Variants in MACF1 observed in about 807,000 individuals in gnomAD.
MACF1 encodes microtubule actin crosslinking factor 1, also known as microtubule-actin cross-linking factor 1.
MACF1 carries 193 observed loss-of-function variants against 854.8 expected under a neutral mutation model. That is an observed-to-expected ratio of 0.23 (90% CI 0.20 to 0.25). The LOEUF is 0.25. MACF1 is among the 10% of genes least tolerant of loss of function. MACF1 has a pLI of 1.00. For missense variants in MACF1, 7,722 were observed against 8,929.1 expected, an observed-to-expected ratio of 0.86 and a Z score of 5.45; for synonymous variants, 3,185 against 3,226.7, an observed-to-expected ratio of 0.99 and a Z score of 0.44.
chr1:39,166,071 A>G (rs535648734), intron 2 of MACF1, among the ~76,000 whole-genome samples: 188 of 144,288 alleles, frequency 1.3e-3, no homozygotes, highest in African/African-American at 4.7e-3. Context: ...AGGGCACTAG[A>G]TTTTTTTTTT....
Position 39,284,167 on chromosome 1 carries a change from A to G in MACF1, c.1017A>G (p.Gln339=), listed in dbSNP as rs1571265248. ...TILMSDKTFP[Q]NPVELKALYN... ...TGATGTCAGATAAAACTTTTCCCCA[A>G]AACCCTGTTGAACTAAAGGTAAAGT... Residue 339 remains glutamine, a synonymous_variant, in exon 10 of 101, where the codon CAA becomes CAG. Transcript: ENST00000564288. The G allele has an allele frequency of 6.2e-7, 1 of 1,613,536 alleles. No individual in the cohort carries two copies. The highest frequency in any genetic ancestry group is 8.5e-7 in the Non-Finnish European group (1 of 1,179,820).
At chr1:39,272,998 A>G (rs1054686407) in intron 6 of MACF1, among the ~76,000 whole-genome samples, 1 of 152,112 alleles carries the variant, frequency 6.6e-6, no homozygotes, top group Non-Finnish European at 1.5e-5. Context: ...TATCCATACT[A>G]CTAATACCTG....
rs1190452755 is a variant in MACF1, at chr1:39,442,158, A to G, written c.18786A>G (p.Val6262=). 2 of 1,591,202 alleles carry G rather than the reference A, an allele frequency of 1.3e-6. No homozygotes were observed. Among genetic ancestry groups the G allele is most frequent in the East Asian group, 2.2e-5 (1 of 44,734 alleles). Residue 6262 remains valine, a synonymous_variant, in exon 76 of 101, where the codon GTA becomes GTG. Transcript: ENST00000564288. ...TGTGTCTTTGACAGGAGTTCAAAGT[A>G]GAAGTTTACCAACAGCAAATTGAGA... The part of the protein sequence containing the change: ...DQLNEMKEFK[V]EVYQQQIEME...
chr1:39,445,305 T>G (rs1644202588), intron 80 of MACF1, among the ~76,000 whole-genome samples: 1 of 152,196 alleles, frequency 6.6e-6, no homozygotes, highest in Admixed American at 6.5e-5. Flanking sequence ...CAAATTCTCT[T>G]CTCTACAAAA....
At position 39,372,484 on chromosome 1, in the gene MACF1, A is replaced by G. The variant is rs1462760902; in HGVS notation, c.13101A>G (p.Leu4367=). The G allele has an allele frequency of 1.9e-6, 3 of 1,602,484 alleles. No homozygotes were observed. Among genetic ancestry groups the G allele is most frequent in the South Asian group, 2.2e-5 (2 of 90,756 alleles). The change falls in exon 52 of 101, where the codon CTA becomes CTG. Residue 4367 remains leucine, a synonymous_variant. Coordinates refer to ENST00000564288, the MANE Select transcript of MACF1 (RefSeq NM_001394062.1). The part of the protein sequence containing the change: ...LEKQIEHLKS[L]LDDWASKGTL... ...CCATTTTCTTCTTTAAACAGAGTCT[A>G]CTAGATGACTGGGCAAGTAAGGGAA...
intron 58 of MACF1, among the ~76,000 whole-genome samples, chr1:39,392,571 A>T (rs1642075683): frequency 6.6e-6 from 1 of 152,156 alleles, no homozygotes; most frequent in Non-Finnish European, 1.5e-5. Flanking sequence ...AGAGAAGAGG[A>T]TATGAATCTG....
chr1:39,309,462 A>G (rs1646256032), intron 23 of MACF1, 108 bp from the exon 24 acceptor site: 4 of 1,325,646 alleles, frequency 3.0e-6, no homozygotes, highest in Admixed American at 4.4e-5. Flanking sequence ...TTCTCTGCTC[A>G]ACATATAAGC....
chr1:39,133,305 C>T (rs754997537), intron 2 of MACF1, among the ~76,000 whole-genome samples: 7 of 152,184 alleles, frequency 4.6e-5, no homozygotes, highest in South Asian at 2.1e-4. Context: ...AAGAGCTACC[C>T]GTCCAGTCTG....
intron 6 of MACF1, among the ~76,000 whole-genome samples, chr1:39,260,096 T>A (rs867336087): frequency 5.9e-5 from 9 of 152,228 alleles, no homozygotes; most frequent in Non-Finnish European, 1.0e-4. Flanking sequence ...AATGTTCCAA[T>A]CAAATACAGT....
At chr1:39,089,985 A>G (rs1031107868) in intron 2 of MACF1, among the ~76,000 whole-genome samples, 1 of 152,356 alleles carries the variant, frequency 6.6e-6, no homozygotes, top group Admixed American at 6.5e-5. Context: ...GTGGAGACTC[A>G]GGAGGCCAGC....
Position 39,331,552 on chromosome 1 carries a change from A to C in MACF1, c.4964A>C (p.His1655Pro), listed in dbSNP as rs555188146. Residue 1655 changes from histidine (H) to proline (P), a missense_variant, in exon 37 of 101, where the codon CAC (histidine) becomes CCC (proline). Physicochemically the swap from His to Pro is moderately conservative, Grantham distance 77. This residue lies in a region of MACF1 where 1,531 missense variants were observed against 1,601.6 expected (regional missense o/e 0.96). Coordinates refer to ENST00000564288, the MANE Select transcript of MACF1 (RefSeq NM_001394062.1). ...GTTGGACTGAAAATCTTAGAAGCTC[A>C]CCTGGCAACTGGAGGTTTCAGTCTT... ...ETVGLKILEA[H>P]LATGGFSLSP... The C allele has an allele frequency of 3.1e-6, 5 of 1,614,142 alleles. No individual in the cohort carries two copies. The East Asian group carries it at 1.1e-4, about 36-fold the overall frequency.
At chr1:39,386,493 A>T (rs1277971397) in intron 57 of MACF1, among the ~76,000 whole-genome samples, 1 of 149,230 alleles carries the variant, frequency 6.7e-6, no homozygotes, top group African/African-American at 2.5e-5. Context: ...GTGCAGTGGC[A>T]CGATCTTGGA....
Position 39,437,878 on chromosome 1 carries a change from G to T in MACF1, c.18090G>T (p.Glu6030Asp). The T allele has an allele frequency of 6.2e-7, 1 of 1,614,164 alleles. No individual in the cohort carries two copies. The highest frequency in any genetic ancestry group is 8.5e-7 in the Non-Finnish European group (1 of 1,180,024). The part of the protein sequence containing the change: ...LIPAEVDKIR[E>D]CISDNKSATV... ...CTGCTGAAGTAGACAAGATCAGAGA[G>T]TGCATCAGTGACAATAAGAGTGCCA... Residue 6030 changes from glutamate to aspartate, a missense_variant, in exon 71 of 101, where the codon GAG (glutamate) becomes GAT (aspartate). This residue lies in a region of MACF1 where 2,807 missense variants were observed against 3,235.8 expected (regional missense o/e 0.87). Transcript: ENST00000564288.
At chr1:39,264,831 G>A (rs369875002) in intron 6 of MACF1, among the ~76,000 whole-genome samples, 5 of 151,460 alleles carry the variant, frequency 3.3e-5, no homozygotes, top group East Asian at 1.9e-4. Flanking sequence ...CCGCCACCGC[G>A]CCCGGCTAAT....
In MACF1 at chr1:39,218,638, AC is replaced by A. The variant is rs747076107; in HGVS notation, c.110-12543del. Among the ~76,000 whole-genome samples, 6 of 152,110 alleles carry A rather than the reference AC, an allele frequency of 3.9e-5. No homozygotes were observed. In the East Asian group the frequency reaches 9.6e-4, roughly 24 times the overall value. On this transcript the variant is annotated intron_variant, in intron 1 of 100. Coordinates refer to ENST00000564288, the MANE Select transcript of MACF1 (RefSeq NM_001394062.1). ...GTGTTCTTATATGTGCCTCCCTCTCACTGTGGCTCTCTTCTTTTGTTACCGT... is the reference window on the plus strand; with the variant it reads ...GTGTTCTTATATGTGCCTCCCTCTCATGTGGCTCTCTTCTTTTGTTACCGT...
At chr1:39,210,222 T>A (rs1219927588) in intron 1 of MACF1, among the ~76,000 whole-genome samples, 1 of 152,176 alleles carries the variant, frequency 6.6e-6, no homozygotes. Flanking sequence ...CTGTGTGTCC[T>A]CCATTTGTGT....
chr1:39,170,383 CA>C lies in MACF1; in HGVS notation c.221-60798del, dbSNP rs570881823. On this transcript the variant is annotated intron_variant, in intron 2 of 93. Coordinates refer to the MACF1 transcript ENST00000361689. ...ATAAAATGTGGTGACCAAAGCCAATCACTCTTTCATTCGACAAATGTGTATG... is the reference window on the plus strand; with the variant it reads ...ATAAAATGTGGTGACCAAAGCCAATCCTCTTTCATTCGACAAATGTGTATG... 3.6e-3 allele frequency among the ~76,000 whole-genome samples: 544 copies of C among 152,308 alleles called. 4 individuals are homozygous for C. The highest frequency in any genetic ancestry group is 0.012 in the African/African-American group (501 of 41,570).
rs1411037216 is a variant in MACF1, at chr1:39,486,702, G to C, written c.*908G>C. 1 of 152,600 alleles carries C rather than the reference G, an allele frequency of 6.6e-6. No homozygotes were observed. The highest frequency in any genetic ancestry group is 1.5e-5 in the Non-Finnish European group (1 of 68,032). The allele number at this position is 152,600 out of a possible 1,614,324, so 9.5% of individuals were successfully genotyped here. ...ACGAGCCTGTTCTGAAAATGTGGAC[G>C]TAAGACAAACACGTGCTCGTCCTTT... On this transcript the variant is annotated 3_prime_UTR_variant, in exon 101 of 101. Transcript: ENST00000564288.
chr1:39,399,715 A>G (rs139981008), intron 58 of MACF1, among the ~76,000 whole-genome samples: 54 of 152,168 alleles, frequency 3.5e-4, no homozygotes, highest in African/African-American at 1.3e-3. Context: ...ACTACTCCTG[A>G]TCTCTTAATC....
Sources: gnomAD v4.1 joint callset for allele counts (sites outside exome capture counted in the v4.1 genomes callset) on GRCh38, gnomAD v4.1.1 for gene constraint, gnomAD v4.1.1 regional missense constraint, MANE v1.5 for transcripts, NCBI Gene and HGNC (gene_info 2026-07-23, HGNC 2026-07-21) for gene names.